SCN8A: variants seen among roughly 807,000 people sequenced by gnomAD.
The protein encoded by SCN8A is sodium voltage-gated channel alpha subunit 8, also known as sodium channel protein type 8 subunit alpha.
A neutral mutation model predicts 184.1 loss-of-function variants in SCN8A; 30 were observed. That is an observed-to-expected ratio of 0.16 (90% CI 0.12 to 0.22). The LOEUF (loss-of-function observed/expected upper bound fraction) is 0.22. Among genes scored for constraint, SCN8A ranks in the 10% least tolerant of loss-of-function variants. The pLI is 1.00. For synonymous variants in SCN8A, 852 were observed against 907.0 expected (o/e 0.94, Z 1.09); for missense variants, 1,057 against 2,498.9 (o/e 0.42, Z 12.30).
intron 1 of SCN8A, among the ~76,000 whole-genome samples, chr12:51,640,222 T>G (rs1465486012): frequency 4.2e-5 from 2 of 48,084 alleles, no homozygotes; most frequent in African/African-American, 2.2e-4. Flanking sequence ...GTTTTTTTTT[T>G]TTTTTTTTTT....
intron 16 of SCN8A, among the ~76,000 whole-genome samples, chr12:51,767,756 G>C (rs1292267279): frequency 1.3e-5 from 2 of 152,118 alleles, no homozygotes; most frequent in Non-Finnish European, 2.9e-5. Context: ...CTAAGATTTG[G>C]GATTTCTGTA....
chr12:51,638,721 A>G (rs923130502), intron 1 of SCN8A, among the ~76,000 whole-genome samples: 6 of 152,006 alleles, frequency 3.9e-5, no homozygotes, highest in Non-Finnish European at 8.8e-5. Context: ...TCTTGACTTC[A>G]TGATCCACCC....
chr12:51,764,184 T>G (rs1481943248), intron 15 of SCN8A, among the ~76,000 whole-genome samples: 2 of 152,246 alleles, frequency 1.3e-5, no homozygotes, highest in African/African-American at 4.8e-5. Flanking sequence ...TCTGATAAGA[T>G]AACTTTTCAA....
At chr12:51,701,899 T>C (rs2138740602) in intron 8 of SCN8A, among the ~76,000 whole-genome samples, 1 of 152,306 alleles carries the variant, frequency 6.6e-6, no homozygotes, top group Middle Eastern at 3.4e-3. Context: ...ATTTCTGTAT[T>C]AGACTACTAG....
chr12:51,688,896 C>T (rs781387364), intron 5 of SCN8A, 109 bp from the exon 6 acceptor site: 46 of 1,560,272 alleles, frequency 2.9e-5, no homozygotes, highest in Middle Eastern at 1.7e-4. Context: ...AGGGCCCTGA[C>T]GTGACGTATT....
chr12:51,619,190 T>C (rs1565861677), intron 1 of SCN8A, among the ~76,000 whole-genome samples: 1 of 152,218 alleles, frequency 6.6e-6, no homozygotes, highest in Non-Finnish European at 1.5e-5. Flanking sequence ...TGGAGGCCTT[T>C]CCATATCAGT....
intron 12 of SCN8A, among the ~76,000 whole-genome samples, chr12:51,733,672 A>G (rs1942279352): frequency 6.6e-6 from 1 of 152,154 alleles, no homozygotes; most frequent in Admixed American, 6.5e-5. Flanking sequence ...TGTTGGTTAA[A>G]ACTCAGCAGT....
rs551089965 is a variant in SCN8A at position 51,765,970 on chromosome 12, A to G, written c.2844A>G (p.Ala948=). The G allele has an allele frequency of 1.2e-6, 2 of 1,614,122 alleles. No homozygotes were observed. The highest frequency in any genetic ancestry group is 2.2e-5 in the South Asian group (2 of 91,080). Residue 948 remains alanine, a synonymous_variant, in exon 16 of 27, where the codon GCA becomes GCG. Coordinates refer to ENST00000627620, the MANE Select transcript of SCN8A (RefSeq NM_001330260.2). Reference sequence around the variant, plus strand: ...CCATGTGGGACTGCATGGAAGTGGCAGGCCAGGCCATGTGCCTCATTGTCT... The same window carrying G: ...CCATGTGGGACTGCATGGAAGTGGCGGGCCAGGCCATGTGCCTCATTGTCT... The part of the protein sequence containing the change: ...IETMWDCMEV[A]GQAMCLIVFM...
At chr12:51,713,891 A>G (rs1941923037) in intron 11 of SCN8A, among the ~76,000 whole-genome samples, 1 of 148,214 alleles carries the variant, frequency 6.7e-6, no homozygotes, top group African/African-American at 2.6e-5. Context: ...TTTTAAAAAT[A>G]TAGTAATGAT....
intron 17 of SCN8A, 143 bp downstream of exon 17, chr12:51,769,478 A>G: frequency 3.1e-6 from 2 of 634,966 alleles, no homozygotes; most frequent in African/African-American, 1.8e-5. Context: ...CCACCATCCC[A>G]GTATCATTCT....
chr12:51,794,045 C>A (rs1256276691), intron 25 of SCN8A, among the ~76,000 whole-genome samples: 5 of 151,276 alleles, frequency 3.3e-5, no homozygotes, highest in African/African-American at 1.2e-4. Context: ...ACTCGGGAGA[C>A]TGAGGCATGA....
Position 51,807,367 on chromosome 12 carries a change from G to T in SCN8A, c.5881G>T (p.Ala1961Ser), listed in dbSNP as rs1938736620. The change falls in exon 27 of 27, where the codon GCA (alanine) becomes TCA (serine). Residue 1961 changes from alanine (A) to serine (S), a missense_variant. Coordinates refer to ENST00000627620, the MANE Select transcript of SCN8A (RefSeq NM_001330260.2). This position sits in a 1 kb window ranked among gnomAD's most constrained non-coding sequence, Gnocchi z 4.5. The part of the protein sequence containing the change: ...TKPEKEKQQR[A>S]EEGRRERAKR... ...ACCTGAAAAGGAGAAACAGCAGCGG[G>T]CAGAGGAAGGAAGAAGGGAAAGAGC... The T allele has an allele frequency of 1.2e-6, 2 of 1,613,506 alleles. No homozygotes were observed. Among genetic ancestry groups the T allele is most frequent in the South Asian group, 2.2e-5 (2 of 91,034 alleles).
At chr12:51,674,406 C>A (rs1421128322) in intron 2 of SCN8A, among the ~76,000 whole-genome samples, 1 of 152,062 alleles carries the variant, frequency 6.6e-6, no homozygotes, top group African/African-American at 2.4e-5. Flanking sequence ...AGTCTCGGCT[C>A]ACTGCAACCT....
At chr12:51,730,457 A>G (rs889845890) in intron 12 of SCN8A, among the ~76,000 whole-genome samples, 3 of 152,216 alleles carry the variant, frequency 2.0e-5, no homozygotes, top group African/African-American at 7.2e-5. Flanking sequence ...TGGTAGTATA[A>G]GCCCTAAGAA....
intron 11 of SCN8A, among the ~76,000 whole-genome samples, chr12:51,721,283 G>A (rs1225013453): frequency 6.6e-6 from 1 of 151,792 alleles, no homozygotes; most frequent in Non-Finnish European, 1.5e-5. Context: ...TGTGTATAAT[G>A]TGAGATAAAA....
At chr12:51,641,631 A>G (rs564245915) in intron 1 of SCN8A, among the ~76,000 whole-genome samples, 5 of 152,178 alleles carry the variant, frequency 3.3e-5, no homozygotes, top group Non-Finnish European at 7.3e-5. Flanking sequence ...GTATTTGGAG[A>G]TAGTGTCTCC....
chr12:51,775,715 G>A (rs1241268286), intron 20 of SCN8A, among the ~76,000 whole-genome samples: 1 of 152,156 alleles, frequency 6.6e-6, no homozygotes, highest in East Asian at 1.9e-4. Flanking sequence ...TTCTCTTTCT[G>A]GAGAAAGGGC....
chr12:51,620,924 C>T (rs2138596287), intron 1 of SCN8A, among the ~76,000 whole-genome samples: 1 of 152,098 alleles, frequency 6.6e-6, no homozygotes, highest in Middle Eastern at 3.4e-3. Flanking sequence ...GAGGTTGAGG[C>T]TGTAGTGAGC....
chr12:51,593,317 G>A lies in SCN8A; in HGVS notation c.-55+1958G>A, dbSNP rs540563460. Among the ~76,000 whole-genome samples, 6 of 152,288 alleles carry A rather than the reference G, an allele frequency of 3.9e-5. No individual in the cohort carries two copies. In the South Asian group the frequency reaches 8.3e-4, roughly 21 times the overall value. On this transcript the variant is annotated intron_variant, in intron 1 of 26. Transcript: ENST00000627620. ...GATTCAGGGTATATGTAAATGTGTT[G>A]TGTTTCTGAGTAGAGCTGGTGGTGG...
Sources: allele counts gnomAD v4.1 joint callset (sites outside exome capture counted in the v4.1 genomes callset), GRCh38; gene constraint gnomAD v4.1.1; non-coding constraint Gnocchi (gnomAD v3.1); transcripts MANE v1.5; gene names NCBI Gene and HGNC (gene_info 2026-07-23, HGNC 2026-07-21).